The following PUDP variants were observed in gnomAD, a reference collection of about 807,000 sequenced individuals.
PUDP encodes the protein pseudouridine-5'-phosphatase.
Under a neutral mutation model 9.4 loss-of-function variants are expected in PUDP, and 8 were observed. That is an observed-to-expected ratio of 0.85 (90% CI 0.50 to 1.53). The LOEUF is 1.53. Ranked by LOEUF, PUDP falls within the 40% of genes most tolerant of loss-of-function variation. The pLI, the probability that PUDP is intolerant of heterozygous loss-of-function variation, is 0.00. For missense variants in PUDP, 188 were observed against 189.7 expected, an observed-to-expected ratio of 0.99 and a Z score of 0.05; for synonymous variants, 99 against 80.7, an observed-to-expected ratio of 1.23 and a Z score of -1.22.
At chrX:7,067,197 CAG>C (rs1285417440) in intron 3 of PUDP, among the ~76,000 whole-genome samples, 3 of 112,307 alleles carry the variant, frequency 2.7e-5, no homozygotes. Context: ...CTGCATTTGA[CAG>C]AGTGCAGAAG....
chrX:6,846,614 A>T (rs1926753424), intron 3 of PUDP, among the ~76,000 whole-genome samples: 1 of 110,389 alleles, frequency 9.1e-6, no homozygotes, highest in South Asian at 3.9e-4. Context: ...TCTTGTCATC[A>T]GTTTTGACCT....
At chrX:6,943,053 A>T (rs1210091276) in intron 3 of PUDP, among the ~76,000 whole-genome samples, 1 of 112,091 alleles carries the variant, frequency 8.9e-6, no homozygotes, top group Non-Finnish European at 1.9e-5. Flanking sequence ...CCAAAGAAAC[A>T]TCTCATCAAC....
At chrX:6,855,097 C>G (rs1030365467) in intron 3 of PUDP, among the ~76,000 whole-genome samples, 26 of 107,151 alleles carry the variant, frequency 2.4e-4, no homozygotes, top group Admixed American at 5.1e-4. Flanking sequence ...CCTGTGACAG[C>G]AAGACTAACC....
intron 3 of PUDP, among the ~76,000 whole-genome samples, chrX:6,923,008 C>T (rs1928048425): frequency 8.9e-6 from 1 of 111,889 alleles, no homozygotes. Flanking sequence ...CCCCCAATCA[C>T]TTCCCCACCA....
rs1026846226 is a variant in PUDP at position 6,979,809 on chromosome X, G to A, written c.205-1466C>T. On this transcript the variant is annotated intron_variant and NMD_transcript_variant, in intron 1 of 3. Transcript: ENST00000655425. ...AAAATATCAAAAAGGAGAAAGAATT[G>A]ATAAAAATTGTCAAAGCAATTCTTT... Among the ~76,000 whole-genome samples the A allele has an allele frequency of 2.7e-5, 3 of 110,935 alleles. No homozygotes were observed. The Admixed American group carries it at 2.9e-4, about 11-fold the overall frequency.
chrX:6,749,251 T>A (rs887184382), intron 3 of PUDP, among the ~76,000 whole-genome samples: 1 of 112,102 alleles, frequency 8.9e-6, no homozygotes, highest in African/African-American at 3.2e-5. Flanking sequence ...GAGGGACTTT[T>A]ATCAGGCAGC....
chrX:6,801,770 T>C (rs904841256), intron 3 of PUDP, among the ~76,000 whole-genome samples: 4 of 112,046 alleles, frequency 3.6e-5, no homozygotes, highest in East Asian at 2.8e-4. Context: ...ATTTTAAATA[T>C]GCAAAGGCCC....
intron 3 of PUDP, among the ~76,000 whole-genome samples, chrX:6,956,671 C>T (rs73629014): frequency 0.032 from 3,519 of 111,585 alleles, 138 homozygotes; most frequent in African/African-American, 0.11. Context: ...GAGAAGGATG[C>T]TTTGCTGTTA....
chrX:7,077,820 C>A (rs1475354171), intron 2 of PUDP, among the ~76,000 whole-genome samples: 2 of 112,406 alleles, frequency 1.8e-5, no homozygotes, highest in African/African-American at 6.5e-5. Flanking sequence ...CGGGGAAGGC[C>A]CTTCAGCAGG....
At chrX:6,780,241 GTATATACA>G (rs1317879533) in intron 3 of PUDP, among the ~76,000 whole-genome samples, 5 of 108,752 alleles carry the variant, frequency 4.6e-5, no homozygotes, top group African/African-American at 1.7e-4. Flanking sequence ...GTGTGTATGT[GTATATACA>G]TATATACACA....
intron 1 of PUDP, among the ~76,000 whole-genome samples, chrX:6,992,418 G>A (rs1378424647): frequency 1.7e-4 from 17 of 102,457 alleles, no homozygotes; most frequent in African/African-American, 5.9e-4. Context: ...GACTACAGGC[G>A]CCCGCCACCG....
intron 3 of PUDP, among the ~76,000 whole-genome samples, chrX:6,862,203 C>A (rs1355578450): frequency 9.0e-6 from 1 of 111,700 alleles, no homozygotes; most frequent in Non-Finnish European, 1.9e-5. Flanking sequence ...CTCCTTAGCA[C>A]CATCCAGACT....
chrX:6,767,029 A>T (rs1925293661), intron 3 of PUDP, among the ~76,000 whole-genome samples: 1 of 113,093 alleles, frequency 8.8e-6, no homozygotes, highest in Non-Finnish European at 1.9e-5. Context: ...AATTTTTTAA[A>T]CTGTAAGAAG....
intron 3 of PUDP, among the ~76,000 whole-genome samples, chrX:6,770,005 G>A (rs1222456774): frequency 1.8e-5 from 2 of 112,253 alleles, no homozygotes; most frequent in Non-Finnish European, 3.8e-5. Context: ...CAGGTGACTA[G>A]GGTGACTTAA....
At chrX:7,036,319 C>T (rs929396985) in intron 1 of PUDP, among the ~76,000 whole-genome samples, 1 of 111,600 alleles carries the variant, frequency 9.0e-6, no homozygotes, top group East Asian at 2.8e-4. Context: ...ACTTCAAATA[C>T]CAGGAATTTA....
At chrX:6,792,107 A>C (rs1925758670) in intron 3 of PUDP, among the ~76,000 whole-genome samples, 1 of 111,094 alleles carries the variant, frequency 9.0e-6, no homozygotes, top group Admixed American at 9.7e-5. Flanking sequence ...GAAGTCAGCA[A>C]ATTCAGAGAA....
intron 3 of PUDP, among the ~76,000 whole-genome samples, chrX:6,859,248 C>T (rs527329447): frequency 1.8e-5 from 2 of 111,548 alleles, no homozygotes; most frequent in Non-Finnish European, 3.8e-5. Flanking sequence ...AGCATGAGAA[C>T]AGACTAATAC....
At chrX:6,788,921 T>C (rs1239103209) in intron 3 of PUDP, among the ~76,000 whole-genome samples, 1 of 111,595 alleles carries the variant, frequency 9.0e-6, no homozygotes, top group East Asian at 2.8e-4. Context: ...GAAAGTTTCT[T>C]TGAGAGATGA....
At chrX:6,961,647 A>C (rs1353674942) in intron 3 of PUDP, among the ~76,000 whole-genome samples, 1 of 111,847 alleles carries the variant, frequency 8.9e-6, no homozygotes, top group Non-Finnish European at 1.9e-5. Flanking sequence ...ACCTTCCCAG[A>C]AACTCTAGGA....
Sources: gnomAD v4.1 joint callset for allele counts (sites outside exome capture counted in the v4.1 genomes callset) on GRCh38, gnomAD v4.1.1 for gene constraint, MANE v1.5 for transcripts, NCBI Gene and HGNC (gene_info 2026-07-23, HGNC 2026-07-21) for gene names.